The following DOCK10 variants were observed in gnomAD, a reference collection of about 807,000 sequenced individuals.
The protein encoded by DOCK10 is dedicator of cytokinesis 10.
DOCK10 carries 145 observed loss-of-function variants against 280.1 expected under a neutral mutation model. The observed-to-expected ratio is 0.52, with a 90% CI of 0.45 to 0.59. The LOEUF is 0.59. Among genes scored for constraint, DOCK10 ranks in the 20% least tolerant of loss-of-function variants. DOCK10 has a pLI of 0.00. For synonymous variants in DOCK10, 915 were observed against 942.2 expected, an observed-to-expected ratio of 0.97 and a Z score of 0.53; for missense variants, 2,368 against 2,651.7, an observed-to-expected ratio of 0.89 and a Z score of 2.35.
At chr2:224,998,512 G>A (rs59299652) in intron 1 of DOCK10, among the ~76,000 whole-genome samples, 2,327 of 151,920 alleles carry the variant, frequency 0.015, 40 homozygotes, top group Middle Eastern at 0.061. Flanking sequence ...TCTCTTCCAG[G>A]GTCTTGCTCC....
chr2:224,986,423 T>A (rs1176334600), intron 1 of DOCK10, among the ~76,000 whole-genome samples: 1 of 152,180 alleles, frequency 6.6e-6, no homozygotes, highest in African/African-American at 2.4e-5. Context: ...GATAAATTTA[T>A]GGAAAGGCTA....
chr2:225,005,141 A>G (rs976057942), intron 1 of DOCK10, among the ~76,000 whole-genome samples: 1 of 152,240 alleles, frequency 6.6e-6, no homozygotes, highest in Admixed American at 6.5e-5. Context: ...TGAGATAGAT[A>G]GAATTTGTAC....
chr2:224,922,990 G>A (rs1283032942), intron 2 of DOCK10, among the ~76,000 whole-genome samples: 2 of 152,122 alleles, frequency 1.3e-5, no homozygotes, highest in Non-Finnish European at 2.9e-5. Context: ...CATCGATATT[G>A]TCTTTTATTC....
intron 1 of DOCK10, among the ~76,000 whole-genome samples, chr2:225,041,404 C>T (rs73075767): frequency 2.6e-5 from 4 of 152,182 alleles, no homozygotes; most frequent in Non-Finnish European, 5.9e-5. Flanking sequence ...TTGTCTCTTG[C>T]CACCTCTCCC....
chr2:224,867,175 T>G (rs1697977276), intron 11 of DOCK10, among the ~76,000 whole-genome samples: 1 of 152,204 alleles, frequency 6.6e-6, no homozygotes, highest in Admixed American at 6.5e-5. Flanking sequence ...TTTATACCTC[T>G]GCTTCCGATA....
chr2:224,799,027 A>G (rs1479814158), intron 41 of DOCK10, among the ~76,000 whole-genome samples: 1 of 152,238 alleles, frequency 6.6e-6, no homozygotes, highest in African/African-American at 2.4e-5. Flanking sequence ...TAATTGACAT[A>G]CAATAAATTG....
chr2:224,895,176 T>A (rs541326623), intron 4 of DOCK10, among the ~76,000 whole-genome samples: 75 of 152,350 alleles, frequency 4.9e-4, no homozygotes, highest in Non-Finnish European at 2.6e-4. Flanking sequence ...TAAATCTAGT[T>A]CATAATCCCT....
At chr2:224,942,627 T>C (rs1231086622) in intron 1 of DOCK10, among the ~76,000 whole-genome samples, 2 of 152,162 alleles carry the variant, frequency 1.3e-5, no homozygotes, top group Non-Finnish European at 2.9e-5. Flanking sequence ...CTTCTCACAT[T>C]AGCATGGAAG....
At chr2:225,025,824 T>A (rs978932875) in intron 1 of DOCK10, among the ~76,000 whole-genome samples, 1 of 152,186 alleles carries the variant, frequency 6.6e-6, no homozygotes, top group African/African-American at 2.4e-5. Context: ...GTTAGAACAT[T>A]TTTTAAAAAC....
chr2:225,042,440 C>G lies in DOCK10; in HGVS notation c.-66G>C. On this transcript the variant is annotated 5_prime_UTR_variant, in exon 1 of 56. Coordinates refer to ENST00000258390, the MANE Select transcript of DOCK10 (RefSeq NM_014689.3). This position sits in a 1 kb window ranked among gnomAD's most constrained non-coding sequence, Gnocchi z 5.1. ...TCCCGCCGGTCTTCCCCGCGCCAAC[C>G]TTCTCTATCCACCCGCCGTTCAGGA... The G allele has an allele frequency of 8.2e-7, 1 of 1,224,872 alleles. No homozygotes were observed. Among genetic ancestry groups the G allele is most frequent in the Non-Finnish European group, 1.0e-6 (1 of 981,258 alleles). 75.9% of individuals were successfully genotyped at this position (1,224,872 alleles called of 1,614,324 possible). A position where few individuals can be genotyped will look rare whatever the true frequency, so the allele number is the denominator to read the frequency against.
chr2:224,946,801 A>G (rs1476879379), intron 1 of DOCK10: 4 of 1,416,070 alleles, frequency 2.8e-6, no homozygotes, highest in Non-Finnish European at 3.8e-6. Flanking sequence ...GAAAGAAAGG[A>G]TTGAAGGAAA....
chr2:224,997,263 A>C (rs1575156233), intron 1 of DOCK10, among the ~76,000 whole-genome samples: 1 of 124,022 alleles, frequency 8.1e-6, no homozygotes, highest in Non-Finnish European at 1.6e-5. Context: ...TCGGAGTCTC[A>C]CTCTGTTGCT....
intron 30 of DOCK10, among the ~76,000 whole-genome samples, chr2:224,814,700 T>G (rs1333594247): frequency 6.6e-6 from 1 of 152,152 alleles, no homozygotes; most frequent in Non-Finnish European, 1.5e-5. Flanking sequence ...TTTTGTATTT[T>G]TAGTAGAGAT....
intron 1 of DOCK10, among the ~76,000 whole-genome samples, chr2:224,937,960 A>G (rs1403496200): frequency 6.6e-6 from 1 of 152,192 alleles, no homozygotes; most frequent in Non-Finnish European, 1.5e-5. Context: ...ACTGATGGAA[A>G]GAGGAAGAGA....
At position 224,805,459 on chromosome 2, in the gene DOCK10, G is replaced by A. The variant is rs775999351; in HGVS notation, c.3885C>T (p.Ser1295=). 6.2e-7 allele frequency: 1 copy of A among 1,612,718 alleles called. No individual in the cohort carries two copies. The highest frequency in any genetic ancestry group is 8.5e-7 in the Non-Finnish European group (1 of 1,179,170). ...TGCTCTTCTCATTGGTACTTGGATT[G>A]GAGTCAAGACTTGCTAAAGATGCTC... is the stretch of plus-strand genomic sequence containing the variant. ...DSRASLASLD[S]NPSTNEKSSE... Residue 1295 remains serine, a synonymous_variant, in exon 35 of 56, where the codon TCC becomes TCT. Coordinates refer to ENST00000258390, the MANE Select transcript of DOCK10 (RefSeq NM_014689.3). The surrounding 1 kb of genome is among the most constrained non-coding windows in gnomAD (Gnocchi z 4.3).
At chr2:224,817,296 A>C (rs1231992544) in intron 29 of DOCK10, among the ~76,000 whole-genome samples, 1 of 152,240 alleles carries the variant, frequency 6.6e-6, no homozygotes, top group East Asian at 1.9e-4. Context: ...AGGCACGGTC[A>C]AAGTAACACA....
At chr2:224,930,315 G>A (rs982131909) in intron 2 of DOCK10, among the ~76,000 whole-genome samples, 10 of 151,990 alleles carry the variant, frequency 6.6e-5, no homozygotes, top group Non-Finnish European at 1.3e-4. Context: ...AAAAAAATGC[G>A]GTTTAACTTT....
intron 1 of DOCK10, among the ~76,000 whole-genome samples, chr2:225,020,196 T>C (rs1412372799): frequency 6.6e-6 from 1 of 152,028 alleles, no homozygotes; most frequent in Non-Finnish European, 1.5e-5. Context: ...TTAAAGTATA[T>C]ATATATATAA....
At chr2:225,013,901 T>C (rs549239699) in intron 1 of DOCK10, among the ~76,000 whole-genome samples, 51 of 151,982 alleles carry the variant, frequency 3.4e-4, no homozygotes, top group Middle Eastern at 3.4e-3. Context: ...AAGGAGGCAA[T>C]AGTAAGTGAC....
Sources: gnomAD v4.1 joint callset for allele counts (sites outside exome capture counted in the v4.1 genomes callset) on GRCh38, gnomAD v4.1.1 for gene constraint, Gnocchi (gnomAD v3.1) non-coding constraint, MANE v1.5 for transcripts, NCBI Gene and HGNC (gene_info 2026-07-23, HGNC 2026-07-21) for gene names.